RANBP2: variants seen among roughly 807,000 people sequenced by gnomAD.
RANBP2 encodes the protein RAN binding protein 2, also known as E3 SUMO-protein ligase RanBP2.
In RANBP2, 57 loss-of-function variants were observed where a neutral mutation model predicts 303.6. The ratio of observed to expected loss-of-function variants is 0.19; its 90% CI spans 0.15 to 0.23. The LOEUF is 0.23. RANBP2 is among the 10% of genes least tolerant of loss of function. The probability of loss-of-function intolerance (pLI) is 1.00; values close to 1 mark genes in which losing one functional copy is unlikely to be tolerated. For missense variants in RANBP2, 3,138 were observed against 3,780.8 expected (o/e 0.83, Z 4.46); for synonymous variants, 1,167 against 1,301.5 (o/e 0.90, Z 2.23).
At chr2:109,441,452 A>G in the RANBP2 span, among the ~76,000 whole-genome samples, 1 of 152,216 alleles carries the variant, frequency 6.6e-6, no homozygotes, top group African/African-American at 2.4e-5. Flanking sequence ...TGCTGAAGAA[A>G]AAATATTTGT....
the RANBP2 span, among the ~76,000 whole-genome samples, chr2:108,821,357 CA>C: frequency 6.6e-6 from 1 of 151,200 alleles, no homozygotes; most frequent in Non-Finnish European, 1.5e-5. Context: ...GACTCCGTCT[CA>C]AAAAAAATAG....
the RANBP2 span, among the ~76,000 whole-genome samples, chr2:109,009,687 G>GTA: frequency 2.6e-4 from 38 of 148,246 alleles, no homozygotes; most frequent in Non-Finnish European, 4.7e-4. Flanking sequence ...CACTACGCCT[G>GTA]GCTGACATTT....
chr2:108,789,287 T>A (rs973842865), downstream of RANBP2, among the ~76,000 whole-genome samples: 21 of 151,920 alleles, frequency 1.4e-4, no homozygotes, highest in Non-Finnish European at 3.1e-4. Flanking sequence ...TCTTTAAAAA[T>A]TTTTTTTTAG....
chr2:109,553,817 G>A, the RANBP2 span, among the ~76,000 whole-genome samples: 2 of 150,990 alleles, frequency 1.3e-5, no homozygotes, highest in African/African-American at 2.4e-5. Flanking sequence ...TCGCGCCACT[G>A]CATTCCAGCC....
the RANBP2 span, among the ~76,000 whole-genome samples, chr2:109,014,756 C>T: frequency 6.6e-6 from 1 of 152,208 alleles, no homozygotes; most frequent in African/African-American, 2.4e-5. Flanking sequence ...CTCTAGATCC[C>T]AGCCCCAGCA....
chr2:109,084,421 G>A, the RANBP2 span, among the ~76,000 whole-genome samples: 1 of 152,244 alleles, frequency 6.6e-6, no homozygotes, highest in African/African-American at 2.4e-5. Context: ...TTTCAGGACA[G>A]AGGCTGTTGC....
chr2:108,878,330 G>T, the RANBP2 span: 1 of 193,840 alleles, frequency 5.2e-6, no homozygotes, highest in East Asian at 1.3e-4. Context: ...AAGTCTTTCA[G>T]GGTCAAGTGA....
chr2:109,684,205 G>A, the RANBP2 span, among the ~76,000 whole-genome samples: 2 of 140,334 alleles, frequency 1.4e-5, no homozygotes, highest in East Asian at 4.4e-4. Flanking sequence ...GCCTCCCAAA[G>A]TGCTGGGATT....
chr2:108,914,860 C>T, the RANBP2 span, among the ~76,000 whole-genome samples: 1 of 152,184 alleles, frequency 6.6e-6, no homozygotes, highest in African/African-American at 2.4e-5. Flanking sequence ...AGCACTGTGC[C>T]TGGTCAGCCC....
chr2:109,094,045 A>C, the RANBP2 span, among the ~76,000 whole-genome samples: 2 of 152,350 alleles, frequency 1.3e-5, no homozygotes, highest in African/African-American at 4.8e-5. Flanking sequence ...AGAGAAACTT[A>C]GTGTGTAATA....
chr2:108,886,474 G>A, the RANBP2 span, among the ~76,000 whole-genome samples: 2 of 152,224 alleles, frequency 1.3e-5, no homozygotes, highest in South Asian at 2.1e-4. Context: ...GAGTGCAGTG[G>A]TGCAATCTCA....
At chr2:109,491,663 TA>T in the RANBP2 span, among the ~76,000 whole-genome samples, 2 of 152,170 alleles carry the variant, frequency 1.3e-5, no homozygotes, top group African/African-American at 4.8e-5. Flanking sequence ...TTATCCATCC[TA>T]AAAGGGCTCT....
chr2:109,648,671 T>C, the RANBP2 span, among the ~76,000 whole-genome samples: 1 of 135,476 alleles, frequency 7.4e-6, no homozygotes, highest in African/African-American at 2.7e-5. Flanking sequence ...TTTTTTTTTC[T>C]GAGACGGAGT....
chr2:109,577,919 A>C, the RANBP2 span, among the ~76,000 whole-genome samples: 2 of 149,854 alleles, frequency 1.3e-5, no homozygotes, highest in Non-Finnish European at 2.9e-5. Context: ...TCTCAAAAAA[A>C]AAAAAAAAAA....
At chr2:109,205,280 A>G in the RANBP2 span, among the ~76,000 whole-genome samples, 28 of 142,896 alleles carry the variant, frequency 2.0e-4, no homozygotes, top group Non-Finnish European at 2.8e-4. Context: ...TTTTTTTTTT[A>G]AACTGAGTCT....
At chr2:109,404,289 C>A in the RANBP2 span, among the ~76,000 whole-genome samples, 1 of 152,204 alleles carries the variant, frequency 6.6e-6, no homozygotes, top group East Asian at 1.9e-4. Context: ...GATGAGAATG[C>A]TGAAAAGGAA....
the RANBP2 span, among the ~76,000 whole-genome samples, chr2:109,298,321 A>G: frequency 9.5e-3 from 1,448 of 152,138 alleles, 12 homozygotes; most frequent in Non-Finnish European, 0.016. Flanking sequence ...AAGCGCATCT[A>G]TGTCTGTCAT....
chr2:109,713,365 C>T, the RANBP2 span, among the ~76,000 whole-genome samples: 2 of 152,072 alleles, frequency 1.3e-5, no homozygotes, highest in Non-Finnish European at 2.9e-5. Context: ...CTTCATCCCC[C>T]ACAAAGGACA....
the RANBP2 span, among the ~76,000 whole-genome samples, chr2:108,838,796 T>C: frequency 1.3e-5 from 2 of 152,112 alleles, no homozygotes; most frequent in Admixed American, 1.3e-4. Flanking sequence ...ATAAATGAGA[T>C]TTTTATTCCA....
Sources: allele counts gnomAD v4.1 joint callset (sites outside exome capture counted in the v4.1 genomes callset), GRCh38; gene constraint gnomAD v4.1.1; transcripts MANE v1.5; gene names NCBI Gene and HGNC (gene_info 2026-07-23, HGNC 2026-07-21).